The following MYOM1 variants were observed in gnomAD, a reference collection of about 807,000 sequenced individuals.
MYOM1 encodes myomesin-1.
Under a neutral mutation model 205.3 loss-of-function variants are expected in MYOM1, and 164 were observed. That is an observed-to-expected ratio of 0.80 (90% CI 0.70 to 0.91). MYOM1 has a LOEUF of 0.91. Among genes scored for constraint, MYOM1 ranks in the 40% least tolerant of loss-of-function variants. The pLI is 0.00. For missense variants in MYOM1, 2,011 were observed against 2,127.3 expected (o/e 0.95, Z 1.08); for synonymous variants, 772 against 789.4 (o/e 0.98, Z 0.37).
At chr18:3,122,109 A>C (rs1226271065) in intron 19 of MYOM1, among the ~76,000 whole-genome samples, 2 of 152,102 alleles carry the variant, frequency 1.3e-5, no homozygotes, top group Non-Finnish European at 2.9e-5. Context: ...ACAGAGTGAG[A>C]CTTTGTCTCA....
In MYOM1 at chr18:3,099,255, C is replaced by T. The variant is rs569572724; in HGVS notation, c.3727+904G>A. 7.9e-5 allele frequency among the ~76,000 whole-genome samples: 12 copies of T among 152,320 alleles called. 1 individual carries two copies. The South Asian group carries it at 2.5e-3, about 32-fold the overall frequency. On this transcript the variant is annotated intron_variant, in intron 25 of 37. Transcript: ENST00000356443. Reference sequence around the variant, plus strand: ...AGCAGTGGTGTGTGTTTTTAAATTACAGTCTCCATTGGGGAATTTACTAAA... The same window carrying T: ...AGCAGTGGTGTGTGTTTTTAAATTATAGTCTCCATTGGGGAATTTACTAAA...
intron 21 of MYOM1, among the ~76,000 whole-genome samples, chr18:3,112,886 T>C (rs1598683126): frequency 6.6e-6 from 1 of 152,204 alleles, no homozygotes; most frequent in East Asian, 1.9e-4. Context: ...TCATGAACAC[T>C]TTCCATTTGT....
At chr18:3,156,298 A>C (rs2080301777) in intron 10 of MYOM1, among the ~76,000 whole-genome samples, 1 of 152,188 alleles carries the variant, frequency 6.6e-6, no homozygotes, top group Non-Finnish European at 1.5e-5. Flanking sequence ...TCGACCAAAC[A>C]AACACTTTCT....
Position 3,146,837 on chromosome 18 carries a change from T to C in MYOM1, c.1900+2308A>G, listed in dbSNP as rs186267441. ...GAAGAAGTTAATTTATCTTTACTTA[T>C]AGATGGCATAATCCTGTAATAGAAA... On this transcript the variant is annotated intron_variant, in intron 13 of 37. Transcript: ENST00000356443. Among the ~76,000 whole-genome samples the C allele has an allele frequency of 9.8e-4, 149 of 151,932 alleles. 1 individual carries two copies. The highest frequency in any genetic ancestry group is 3.5e-3 in the African/African-American group (147 of 41,498).
chr18:3,201,475 A>T (rs1378460667), intron 2 of MYOM1, among the ~76,000 whole-genome samples: 1 of 152,150 alleles, frequency 6.6e-6, no homozygotes, highest in Non-Finnish European at 1.5e-5. Context: ...GAGAACAACC[A>T]GACAGTAAAT....
chr18:3,204,686 C>A (rs923349687), intron 2 of MYOM1, among the ~76,000 whole-genome samples: 1 of 151,786 alleles, frequency 6.6e-6, no homozygotes, highest in African/African-American at 2.4e-5. Flanking sequence ...TAATCAAAAT[C>A]CCAGTAGACT....
chr18:3,069,318 A>G (rs562423688), intron 37 of MYOM1, among the ~76,000 whole-genome samples: 1 of 152,312 alleles, frequency 6.6e-6, no homozygotes, highest in South Asian at 2.1e-4. Flanking sequence ...TGTTGAATTT[A>G]CTTCACATTT....
chr18:3,100,868 C>A (rs897780721), intron 23 of MYOM1, among the ~76,000 whole-genome samples: 1 of 152,238 alleles, frequency 6.6e-6, no homozygotes, highest in Non-Finnish European at 1.5e-5. Flanking sequence ...CATCTGTATT[C>A]TCCTCACTGT....
At chr18:3,177,657 C>T (rs112366221) in intron 5 of MYOM1, among the ~76,000 whole-genome samples, 58 of 152,036 alleles carry the variant, frequency 3.8e-4, no homozygotes, top group African/African-American at 1.3e-3. Flanking sequence ...ATTTTTAGTA[C>T]AGATGGGGTT....
At chr18:3,101,513 C>A (rs1380758277) in intron 23 of MYOM1, among the ~76,000 whole-genome samples, 1 of 152,170 alleles carries the variant, frequency 6.6e-6, no homozygotes, top group African/African-American at 2.4e-5. Context: ...GGTTATATAG[C>A]CAGCTCCTGG....
intron 10 of MYOM1, among the ~76,000 whole-genome samples, chr18:3,163,062 T>G (rs34786682): frequency 0.2 from 30,586 of 150,526 alleles, 3,254 homozygotes; most frequent in East Asian, 0.36. Context: ...CACACACCAC[T>G]GAAAAAAAGA....
intron 37 of MYOM1, among the ~76,000 whole-genome samples, chr18:3,069,027 G>A (rs765563787): frequency 2.1e-4 from 32 of 152,074 alleles, no homozygotes; most frequent in Non-Finnish European, 3.7e-4. Flanking sequence ...TTCCCATCGT[G>A]GCCTCCCAAA....
At chr18:3,101,912 C>T (rs1194208996) in intron 23 of MYOM1, among the ~76,000 whole-genome samples, 1 of 151,742 alleles carries the variant, frequency 6.6e-6, no homozygotes, top group Non-Finnish European at 1.5e-5. Flanking sequence ...TCTTGAACCC[C>T]TAGGCTCAAG....
Position 3,079,335 on chromosome 18 carries a change from C to T in MYOM1, c.4492G>A (p.Ala1498Thr), listed in dbSNP as rs768530234. 9 of 1,605,764 alleles carry T rather than the reference C, an allele frequency of 5.6e-6. No individual in the cohort carries two copies. Among genetic ancestry groups the T allele is most frequent in the Admixed American group, 5.1e-5 (3 of 59,334 alleles). Residue 1498 changes from alanine to threonine, a missense_variant, in exon 34 of 38, where the codon GCC (alanine) becomes ACC (threonine). By Grantham distance (58) the Ala-to-Thr change is moderately conservative. Coordinates refer to ENST00000356443, the MANE Select transcript of MYOM1 (RefSeq NM_003803.4). ...LKVNWSHNGS[A>T]IRYSDRVKTG... Reference sequence around the variant, plus strand: ...TTAACTCTGTCTGAGTACCTAATGGCGGACCCACTGTGAAAATCGAAGAAA... The same window carrying T: ...TTAACTCTGTCTGAGTACCTAATGGTGGACCCACTGTGAAAATCGAAGAAA...
Position 3,160,102 on chromosome 18 carries a change from C to CCTCCTT in MYOM1, c.1501+4175_1501+4176insAAGGAG, listed in dbSNP as rs1555625028. 5.7e-4 allele frequency among the ~76,000 whole-genome samples: 83 copies of CCTCCTT among 146,600 alleles called. 2 individuals are homozygous for CCTCCTT. The highest frequency in any genetic ancestry group is 4.8e-3 in the South Asian group (22 of 4,560). Reference sequence around the variant, plus strand: ...TCCTCCTCCTCCTTCTTCTCCTCCTCCTTCTTCTTCTTCTCTTCCTCCTCC... The same window carrying CCTCCTT: ...TCCTCCTCCTCCTTCTTCTCCTCCTCCTCCTTCTTCTTCTTCTTCTCTTCCTCCTCC... On this transcript the variant is annotated intron_variant, in intron 10 of 37. Coordinates refer to ENST00000356443, the MANE Select transcript of MYOM1 (RefSeq NM_003803.4).
chr18:3,127,032 G>T, intron 18 of MYOM1, 135 bp from the exon 19 acceptor site: 1 of 724,068 alleles, frequency 1.4e-6, no homozygotes, highest in Non-Finnish European at 2.2e-6. Context: ...GATGAACTTG[G>T]CATTGAACTT....
In MYOM1 at chr18:3,215,065, C is replaced by T. The variant is rs773304831; in HGVS notation, c.159G>A (p.Ala53=). Residue 53 remains alanine, a synonymous_variant, in exon 2 of 38, where the codon GCG becomes GCA. Transcript: ENST00000356443. The stretch of plus-strand genomic sequence containing the variant: ...GGAAGGCCTCGGACTCCCGGCGGTG[C>T]GCGGCGGAGGAGCGGCTGCTGTAGG... The part of the protein sequence containing the change: ...STAYSSRSSA[A]HRRESEAFRR... The T allele has an allele frequency of 7.4e-6, 12 of 1,613,288 alleles. No homozygotes were observed. The highest frequency in any genetic ancestry group is 6.8e-6 in the Non-Finnish European group (8 of 1,179,794).
At chr18:3,075,826 A>T (rs368391130) in intron 34 of MYOM1, 65 bp from the exon 35 acceptor site, 44 of 1,401,546 alleles carry the variant, frequency 3.1e-5, no homozygotes, top group East Asian at 3.0e-4. Context: ...AGGGGCGATT[A>T]AAATTCACAA....
In MYOM1 at chr18:3,169,072, C is replaced by CAAA. The variant is rs59171311; in HGVS notation, c.1175-94_1175-92dup. On this transcript the variant is annotated intron_variant, in intron 8 of 37. Transcript: ENST00000356443. The stretch of plus-strand genomic sequence containing the variant: ...AAGCACAGGCAGAAAGCAGTCACAG[C>CAAA]AAAAAAAAAATGAACAAATGAGCAA... 2,822 of 893,098 alleles carry CAAA rather than the reference C, an allele frequency of 3.2e-3. 32 individuals are homozygous for CAAA. Among genetic ancestry groups the CAAA allele is most frequent in the South Asian group, 6.2e-3 (317 of 51,324 alleles). 55.3% of individuals were successfully genotyped at this position (893,098 alleles called of 1,614,324 possible).
Sources: allele counts gnomAD v4.1 joint callset (sites outside exome capture counted in the v4.1 genomes callset), GRCh38; gene constraint gnomAD v4.1.1; transcripts MANE v1.5; gene names NCBI Gene and HGNC (gene_info 2026-07-23, HGNC 2026-07-21).